GABPB1: variants seen among roughly 807,000 people sequenced by gnomAD.
The protein encoded by GABPB1 is GA binding protein transcription factor subunit beta 1.
Under a neutral mutation model 45.9 loss-of-function variants are expected in GABPB1, and 15 were observed. The ratio of observed to expected loss-of-function variants is 0.33; its 90% CI spans 0.22 to 0.50. The LOEUF is 0.50. GABPB1 is among the 20% of genes least tolerant of loss of function. GABPB1 has a pLI of 0.98. For missense variants in GABPB1, 252 were observed against 457.5 expected (o/e 0.55, Z 4.10); for synonymous variants, 143 against 154.4 (o/e 0.93, Z 0.55).
At chr15:50,287,728 T>C (rs1361089926) in intron 7 of GABPB1, among the ~76,000 whole-genome samples, 1 of 152,208 alleles carries the variant, frequency 6.6e-6, no homozygotes, top group Non-Finnish European at 1.5e-5. Flanking sequence ...GATACAAATA[T>C]TTTTAAAGTT....
chr15:50,343,994 C>T (rs1301019976), intron 1 of GABPB1, among the ~76,000 whole-genome samples: 2 of 152,152 alleles, frequency 1.3e-5, no homozygotes, highest in Admixed American at 1.3e-4. Context: ...TATTTGTTTA[C>T]TATGTGTCCC....
chr15:50,301,101 C>G, intron 5 of GABPB1, 156 bp downstream of exon 5: 1 of 1,132,170 alleles, frequency 8.8e-7, no homozygotes, highest in Non-Finnish European at 1.3e-6. Context: ...CCAGTTATAC[C>G]AAAGAAAACA....
intron 7 of GABPB1, 21 bp from the exon 8 acceptor site, chr15:50,286,204 T>C: frequency 6.9e-7 from 1 of 1,449,926 alleles, no homozygotes; most frequent in Non-Finnish European, 9.3e-7. Context: ...AAAAAAATTA[T>C]GTATTACTTC....
chr15:50,302,874 T>C, intron 4 of GABPB1, 55 bp downstream of exon 4: 1 of 1,173,706 alleles, frequency 8.5e-7, no homozygotes, highest in Non-Finnish European at 1.2e-6. Flanking sequence ...AAGAGATCCC[T>C]CTACTGATAA....
intron 1 of GABPB1, among the ~76,000 whole-genome samples, chr15:50,316,735 AC>A (rs1291415117): frequency 6.6e-6 from 1 of 152,124 alleles, no homozygotes; most frequent in South Asian, 2.1e-4. Flanking sequence ...AAGGAAAAAA[AC>A]AACCACAAAC....
chr15:50,334,631 C>T (rs1379619798), intron 1 of GABPB1, among the ~76,000 whole-genome samples: 1 of 150,920 alleles, frequency 6.6e-6, no homozygotes, highest in Non-Finnish European at 1.5e-5. Flanking sequence ...CATCAGCCTC[C>T]GGAGTAGCTG....
intron 7 of GABPB1, among the ~76,000 whole-genome samples, chr15:50,288,579 C>T (rs1444733050): frequency 6.6e-6 from 1 of 152,180 alleles, no homozygotes; most frequent in African/African-American, 2.4e-5. Context: ...TTCCTTGATG[C>T]ACCAGTGTGG....
Position 50,337,636 on chromosome 15 carries a change from C to T in GABPB1, c.-1+17349G>A, listed in dbSNP as rs983961073. 2.0e-5 allele frequency among the ~76,000 whole-genome samples: 3 copies of T among 151,860 alleles called. No homozygotes were observed. The South Asian group carries it at 6.3e-4, about 32-fold the overall frequency. On this transcript the variant is annotated intron_variant, in intron 1 of 8. Coordinates refer to ENST00000380877, the MANE Select transcript of GABPB1 (RefSeq NM_016654.5). ...AAAAAATTAGCCAGGTGTGGTGGTG[C>T]GATCATGTGGTCCCAGCTACTTGGG...
In GABPB1 at chr15:50,276,095, T is replaced by G. The variant is rs2045835667; in HGVS notation, c.*2537A>C. 1 of 152,180 alleles carries G rather than the reference T, an allele frequency of 6.6e-6. No individual in the cohort carries two copies. Among genetic ancestry groups the G allele is most frequent in the Non-Finnish European group, 1.5e-5 (1 of 68,024 alleles). The allele number at this position is 152,180 out of a possible 1,614,324, so 9.4% of individuals were successfully genotyped here. ...CTTGCAGAACCCTGGTTGAGAAAGG[T>G]TGCTCCAGGTGTTTGTTCACACATA... On this transcript the variant is annotated 3_prime_UTR_variant, in exon 9 of 9. Transcript: ENST00000380877.
intron 1 of GABPB1, chr15:50,346,375 C>T (rs2048578913): frequency 6.6e-6 from 1 of 152,168 alleles, no homozygotes; most frequent in East Asian, 1.9e-4. Flanking sequence ...TACTCACCTT[C>T]CTCCACAAAT....
intron 8 of GABPB1, among the ~76,000 whole-genome samples, chr15:50,280,440 G>A (rs953477576): frequency 2.6e-5 from 4 of 152,160 alleles, no homozygotes; most frequent in Admixed American, 6.5e-5. Flanking sequence ...AGTGTCCACA[G>A]CCATGCACGT....
intron 1 of GABPB1, among the ~76,000 whole-genome samples, chr15:50,333,822 A>C (rs1483271949): frequency 1.3e-5 from 2 of 152,134 alleles, no homozygotes; most frequent in Non-Finnish European, 2.9e-5. Flanking sequence ...TGAGGTCAGG[A>C]GTTCGAGACC....
intron 1 of GABPB1, among the ~76,000 whole-genome samples, chr15:50,317,734 C>T (rs1431549097): frequency 1.3e-5 from 2 of 151,868 alleles, no homozygotes; most frequent in African/African-American, 2.4e-5. Flanking sequence ...ATGGTGAAAC[C>T]CCGTCTCTAC....
At chr15:50,305,041 G>A (rs2046893096) in intron 2 of GABPB1, among the ~76,000 whole-genome samples, 1 of 152,086 alleles carries the variant, frequency 6.6e-6, no homozygotes, top group Non-Finnish European at 1.5e-5. Flanking sequence ...ATGTGGTCTA[G>A]TCATTAAATT....
At chr15:50,341,559 C>A (rs1242636586) in intron 1 of GABPB1, among the ~76,000 whole-genome samples, 1 of 151,902 alleles carries the variant, frequency 6.6e-6, no homozygotes, top group South Asian at 2.1e-4. Context: ...ATGATTTAAA[C>A]AGTTGGCTAC....
rs534586717 is a variant in GABPB1, at chr15:50,321,646, G to A, written c.1-11848C>T. On this transcript the variant is annotated intron_variant, in intron 1 of 8. Transcript: ENST00000380877. Reference sequence around the variant, plus strand: ...GAACTCAGGAGGCAGAGGTTGCAGCGAGCCGAGATTCCGCCATTGCACTCC... The same window carrying A: ...GAACTCAGGAGGCAGAGGTTGCAGCAAGCCGAGATTCCGCCATTGCACTCC... Among the ~76,000 whole-genome samples, 14 of 149,752 alleles carry A rather than the reference G, an allele frequency of 9.3e-5. No homozygotes were observed. The South Asian group carries it at 2.1e-3, about 23-fold the overall frequency.
chr15:50,294,436 C>T (rs1188370900), intron 6 of GABPB1, among the ~76,000 whole-genome samples: 4 of 152,088 alleles, frequency 2.6e-5, no homozygotes, highest in African/African-American at 4.8e-5. Flanking sequence ...ATGGTGTGAA[C>T]CTGGGAGGAG....
At chr15:50,314,182 TA>T (rs2047227551) in intron 1 of GABPB1, among the ~76,000 whole-genome samples, 1 of 110,562 alleles carries the variant, frequency 9.0e-6, no homozygotes, top group Non-Finnish European at 2.2e-5. Context: ...TTTATTTATT[TA>T]TTTATTTATT....
chr15:50,298,747 T>G (rs2046613972), intron 6 of GABPB1, among the ~76,000 whole-genome samples: 1 of 151,432 alleles, frequency 6.6e-6, no homozygotes, highest in Non-Finnish European at 1.5e-5. Flanking sequence ...AGGTGAGGAG[T>G]TCGAGACCAG....
Sources: gnomAD v4.1 joint callset for allele counts (sites outside exome capture counted in the v4.1 genomes callset) on GRCh38, gnomAD v4.1.1 for gene constraint, MANE v1.5 for transcripts, NCBI Gene and HGNC (gene_info 2026-07-23, HGNC 2026-07-21) for gene names.